The following ADAMTSL3 variants were observed in gnomAD, a reference collection of about 807,000 sequenced individuals.
ADAMTSL3 encodes ADAMTS like 3.
ADAMTSL3 carries 128 observed loss-of-function variants against 201.7 expected under a neutral mutation model. That is an observed-to-expected ratio of 0.63 (90% CI 0.55 to 0.73). The LOEUF is 0.73. Ranked by LOEUF, ADAMTSL3 falls within the 30% of genes least tolerant of loss-of-function variation. ADAMTSL3 has a pLI of 0.00. For missense variants in ADAMTSL3, 1,990 were observed against 2,119.6 expected (o/e 0.94, Z 1.20); for synonymous variants, 738 against 748.4 (o/e 0.99, Z 0.23).
intron 2 of ADAMTSL3, among the ~76,000 whole-genome samples, chr15:83,668,981 G>T (rs548117920): frequency 2.3e-3 from 344 of 152,254 alleles, no homozygotes; most frequent in Admixed American, 8.0e-3. Context: ...ACTGGCCAAA[G>T]CAGCTCACAC....
intron 8 of ADAMTSL3, chr15:83,861,822 C>G (rs1197682770): frequency 6.6e-6 from 1 of 152,152 alleles, no homozygotes; most frequent in Non-Finnish European, 1.5e-5. Context: ...CAAACTACTC[C>G]GAGCTAAAGG....
chr15:84,019,645 G>A (rs542909884), intron 25 of ADAMTSL3, among the ~76,000 whole-genome samples: 110 of 152,190 alleles, frequency 7.2e-4, no homozygotes, highest in African/African-American at 2.6e-3. Context: ...TGTAATCCCA[G>A]CACTTTGGGA....
intron 3 of ADAMTSL3, among the ~76,000 whole-genome samples, chr15:83,758,552 T>C (rs1596152330): frequency 1.3e-5 from 2 of 152,320 alleles, no homozygotes; most frequent in Middle Eastern, 6.8e-3. Flanking sequence ...TTTTTCCTGT[T>C]TGTTTGTTTT....
intron 7 of ADAMTSL3, among the ~76,000 whole-genome samples, chr15:83,853,681 T>A (rs1210249529): frequency 1.2e-4 from 19 of 152,304 alleles, no homozygotes; most frequent in Admixed American, 1.1e-3. Flanking sequence ...ATAATTCAAA[T>A]TTATGATTAA....
chr15:83,993,413 A>G (rs528764839), intron 23 of ADAMTSL3, among the ~76,000 whole-genome samples: 1 of 152,364 alleles, frequency 6.6e-6, no homozygotes, highest in Admixed American at 6.5e-5. Flanking sequence ...TGCTTTACAA[A>G]TTACATTTTT....
chr15:83,955,494 A>G (rs2066842212), intron 19 of ADAMTSL3, among the ~76,000 whole-genome samples: 1 of 152,006 alleles, frequency 6.6e-6, no homozygotes, highest in African/African-American at 2.4e-5. Context: ...CCTGAAGCCC[A>G]CTAGATACTC....
intron 3 of ADAMTSL3, among the ~76,000 whole-genome samples, chr15:83,744,799 G>A (rs2062517422): frequency 6.6e-6 from 1 of 152,240 alleles, no homozygotes; most frequent in African/African-American, 2.4e-5. Context: ...CAGCAGGACT[G>A]TCGTGTTTGG....
At chr15:83,779,523 C>T (rs6602989) in intron 4 of ADAMTSL3, among the ~76,000 whole-genome samples, 48,243 of 151,308 alleles carry the variant, frequency 0.32, 8,515 homozygotes, top group South Asian at 0.55. Flanking sequence ...ACAATGAAAC[C>T]CCGTCTCTAC....
Position 84,031,400 on chromosome 15 carries a change from C to T in ADAMTSL3, c.4722C>T (p.Asn1574=), listed in dbSNP as rs777973163. Residue 1574 remains asparagine (N), a synonymous_variant, in exon 28 of 30, where the codon AAC becomes AAT. Coordinates refer to ENST00000286744, the MANE Select transcript of ADAMTSL3 (RefSeq NM_207517.3). ...MQQRHTACQH[N]SSDSNCDDRK... ...AGCGTCACACAGCTTGTCAACACAA[C>T]AGCTCTGACTCCAACTGTGATGACA... The T allele has an allele frequency of 3.1e-6, 5 of 1,614,134 alleles. No individual in the cohort carries two copies. Among genetic ancestry groups the T allele is most frequent in the South Asian group, 2.2e-5 (2 of 91,082 alleles).
chr15:83,853,950 AT>A (rs1487717265), intron 7 of ADAMTSL3, among the ~76,000 whole-genome samples: 2,350 of 149,592 alleles, frequency 0.016, 70 homozygotes, highest in African/African-American at 0.055. Context: ...CTATCTATCT[AT>A]CTATCTAATT....
chr15:83,843,981 G>A (rs2064439683), intron 7 of ADAMTSL3, among the ~76,000 whole-genome samples: 1 of 152,246 alleles, frequency 6.6e-6, no homozygotes, highest in Non-Finnish European at 1.5e-5. Context: ...ATTAAAGAGA[G>A]AAAGCTGTAA....
intron 3 of ADAMTSL3, among the ~76,000 whole-genome samples, chr15:83,761,830 G>A (rs1320382789): frequency 6.6e-6 from 1 of 152,192 alleles, no homozygotes; most frequent in African/African-American, 2.4e-5. Context: ...GCTACAATCT[G>A]AGAGGACCTG....
intron 2 of ADAMTSL3, among the ~76,000 whole-genome samples, chr15:83,698,183 C>G (rs1207038591): frequency 1.3e-5 from 2 of 152,174 alleles, no homozygotes; most frequent in Non-Finnish European, 2.9e-5. Context: ...ATATATATTT[C>G]TATTATATCA....
intron 2 of ADAMTSL3, among the ~76,000 whole-genome samples, chr15:83,691,494 A>AAT (rs1436105797): frequency 6.6e-6 from 1 of 152,156 alleles, no homozygotes; most frequent in Non-Finnish European, 1.5e-5. Context: ...AGCCATCACC[A>AAT]ATATATTATA....
Position 84,036,656 on chromosome 15 carries a change from C to T in ADAMTSL3, c.4755-117C>T, listed in dbSNP as rs556624742. 16 of 731,296 alleles carry T rather than the reference C, an allele frequency of 2.2e-5. No individual in the cohort carries two copies. In the Admixed American group the frequency reaches 4.1e-4, roughly 19 times the overall value. 45.3% of individuals were successfully genotyped at this position (731,296 alleles called of 1,614,324 possible). On this transcript the variant is annotated intron_variant, in intron 28 of 29. Coordinates refer to ENST00000286744, the MANE Select transcript of ADAMTSL3 (RefSeq NM_207517.3). Reference sequence around the variant, plus strand: ...GAGGAATGTCTTGGTCTTAGACTCTCCATCCAACCTTTAATACGTAGTATA... The same window carrying T: ...GAGGAATGTCTTGGTCTTAGACTCTTCATCCAACCTTTAATACGTAGTATA...
At chr15:83,922,448 T>A (rs2066164925) in intron 16 of ADAMTSL3, among the ~76,000 whole-genome samples, 1 of 152,178 alleles carries the variant, frequency 6.6e-6, no homozygotes. Flanking sequence ...TGTTATAAAT[T>A]AAAATATATT....
intron 4 of ADAMTSL3, among the ~76,000 whole-genome samples, chr15:83,788,451 CT>C (rs1386677889): frequency 3.3e-5 from 5 of 152,072 alleles, no homozygotes; most frequent in Admixed American, 1.3e-4. Context: ...CTGAAAAGAT[CT>C]TTATTTTCTT....
intron 15 of ADAMTSL3, among the ~76,000 whole-genome samples, chr15:83,912,782 GTTTA>G (rs2065956121): frequency 6.6e-6 from 1 of 152,088 alleles, no homozygotes. Flanking sequence ...CCATATGATG[GTTTA>G]TTTATTACTA....
intron 26 of ADAMTSL3, among the ~76,000 whole-genome samples, chr15:84,024,520 A>G (rs1347490989): frequency 6.6e-6 from 1 of 152,216 alleles, no homozygotes; most frequent in Admixed American, 6.5e-5. Context: ...AGTGACAATG[A>G]AGACGGAATT....
Sources: allele counts gnomAD v4.1 joint callset (sites outside exome capture counted in the v4.1 genomes callset), GRCh38; gene constraint gnomAD v4.1.1; transcripts MANE v1.5; gene names NCBI Gene and HGNC (gene_info 2026-07-23, HGNC 2026-07-21).